MAF: variants seen among roughly 807,000 people sequenced by gnomAD.
MAF encodes MAF bZIP transcription factor.
In MAF, 10 loss-of-function variants were observed where a neutral mutation model predicts 22.0. That is an observed-to-expected ratio of 0.45 (90% CI 0.28 to 0.77). The LOEUF is 0.77. Ranked by LOEUF, MAF falls within the 30% of genes least tolerant of loss-of-function variation. The pLI is 0.12. For missense variants in MAF, 544 were observed against 548.4 expected (o/e 0.99, Z 0.08); for synonymous variants, 337 against 255.8 (o/e 1.32, Z -3.03).
chr16:79,360,743 G>C, the MAF span, among the ~76,000 whole-genome samples: 2 of 152,154 alleles, frequency 1.3e-5, no homozygotes, highest in Admixed American at 6.5e-5. Flanking sequence ...ATCATTTTCA[G>C]AGAAGCGGCA....
chr16:79,247,123 G>A, the MAF span, among the ~76,000 whole-genome samples: 1 of 152,204 alleles, frequency 6.6e-6, no homozygotes, highest in Non-Finnish European at 1.5e-5. Flanking sequence ...AGGCCTCCCC[G>A]AGGTGGTGAT....
chr16:79,242,193 T>C, the MAF span, among the ~76,000 whole-genome samples: 1 of 151,840 alleles, frequency 6.6e-6, no homozygotes, highest in Admixed American at 6.6e-5. Context: ...ATAACAGTAT[T>C]AACCTTAAAT....
At chr16:79,501,902 T>C in the MAF span, among the ~76,000 whole-genome samples, 3 of 152,168 alleles carry the variant, frequency 2.0e-5, no homozygotes, top group Non-Finnish European at 2.9e-5. Flanking sequence ...TCTGTATTTT[T>C]CCCCCGCCAG....
At chr16:79,586,763 C>T (rs1034694724) in intron 1 of MAF, among the ~76,000 whole-genome samples, 1 of 152,152 alleles carries the variant, frequency 6.6e-6, no homozygotes, top group African/African-American at 2.4e-5. Flanking sequence ...CAAAGCAGAC[C>T]TGTCATTTCT....
chr16:79,553,656 G>C, the MAF span, among the ~76,000 whole-genome samples: 6 of 152,240 alleles, frequency 3.9e-5, no homozygotes, highest in African/African-American at 1.4e-4. Flanking sequence ...AGAAAGCCCA[G>C]GGGAAGGCTG....
chr16:79,212,033 G>A, the MAF span: 1 of 1,536,108 alleles, frequency 6.5e-7, no homozygotes, highest in Non-Finnish European at 8.7e-7. Context: ...CTTTCTGGTG[G>A]TGGCCTGTTT....
the MAF span, among the ~76,000 whole-genome samples, chr16:79,380,017 G>C: frequency 6.6e-6 from 1 of 152,138 alleles, no homozygotes; most frequent in Non-Finnish European, 1.5e-5. Context: ...TCAAGGTCCA[G>C]GTAACACGCA....
At chr16:79,539,584 T>A in the MAF span, among the ~76,000 whole-genome samples, 1 of 152,210 alleles carries the variant, frequency 6.6e-6, no homozygotes, top group African/African-American at 2.4e-5. Flanking sequence ...ACATTTATAA[T>A]AAAGATATAA....
At chr16:79,226,076 A>G in the MAF span, among the ~76,000 whole-genome samples, 6 of 152,240 alleles carry the variant, frequency 3.9e-5, no homozygotes, top group Admixed American at 2.6e-4. Flanking sequence ...AGACAAATGC[A>G]CACGTATGTT....
chr16:79,455,884 G>A, the MAF span, among the ~76,000 whole-genome samples: 1 of 152,096 alleles, frequency 6.6e-6, no homozygotes, highest in South Asian at 2.1e-4. Context: ...CGGGTGTGGA[G>A]GCGCATTCCT....
chr16:79,564,601 A>T, the MAF span, among the ~76,000 whole-genome samples: 1 of 151,800 alleles, frequency 6.6e-6, no homozygotes, highest in East Asian at 1.9e-4. Context: ...CCATGTGACA[A>T]CTCTCGGGGC....
chr16:79,411,928 G>A, the MAF span, among the ~76,000 whole-genome samples: 1 of 145,142 alleles, frequency 6.9e-6, no homozygotes. Flanking sequence ...AGAGTTAGAT[G>A]AGATGGTGTC....
the MAF span, among the ~76,000 whole-genome samples, chr16:79,368,551 G>A: frequency 3.3e-5 from 5 of 152,062 alleles, no homozygotes; most frequent in African/African-American, 1.2e-4. Context: ...TGTGCATAAT[G>A]TTACTGAAAA....
the MAF span, among the ~76,000 whole-genome samples, chr16:79,339,454 G>C: frequency 6.6e-6 from 1 of 152,126 alleles, no homozygotes; most frequent in Non-Finnish European, 1.5e-5. Context: ...GAGGATAACA[G>C]ACCCACACAT....
chr16:79,470,067 C>A, the MAF span, among the ~76,000 whole-genome samples: 2 of 152,232 alleles, frequency 1.3e-5, no homozygotes, highest in Non-Finnish European at 2.9e-5. Flanking sequence ...CCTCCAGGCT[C>A]TCAGGCCATG....
At chr16:79,542,948 T>C in the MAF span, among the ~76,000 whole-genome samples, 3 of 152,230 alleles carry the variant, frequency 2.0e-5, no homozygotes, top group South Asian at 2.1e-4. Context: ...TCCCATTGTG[T>C]GACCTTACAG....
the MAF span, among the ~76,000 whole-genome samples, chr16:79,489,122 CCCATCCATCCACTCAT>C: frequency 2.0e-5 from 3 of 151,880 alleles, no homozygotes; most frequent in Non-Finnish European, 4.4e-5. Flanking sequence ...CATCCACTTA[CCCATCCATCCACTCAT>C]CCATCCATCC....
chr16:79,404,523 C>T, the MAF span, among the ~76,000 whole-genome samples: 1 of 152,170 alleles, frequency 6.6e-6, no homozygotes, highest in African/African-American at 2.4e-5. Context: ...CGAGGAGAGA[C>T]TGATTCTTGA....
the MAF span, among the ~76,000 whole-genome samples, chr16:79,541,455 G>A: frequency 6.6e-6 from 1 of 151,616 alleles, no homozygotes; most frequent in Non-Finnish European, 1.5e-5. Flanking sequence ...AGGCACAGTA[G>A]TACCTGCTTC....
Sources: allele counts gnomAD v4.1 joint callset (sites outside exome capture counted in the v4.1 genomes callset), GRCh38; gene constraint gnomAD v4.1.1; transcripts MANE v1.5; gene names NCBI Gene and HGNC (gene_info 2026-07-23, HGNC 2026-07-21).